The following CTNND2 variants were observed in gnomAD, a reference collection of about 807,000 sequenced individuals.
CTNND2 encodes catenin delta-2.
Under a neutral mutation model 144.4 loss-of-function variants are expected in CTNND2, and 22 were observed. The ratio of observed to expected loss-of-function variants is 0.15; its 90% CI spans 0.11 to 0.22. The LOEUF (loss-of-function observed/expected upper bound fraction) is 0.22, where lower values mean the gene tolerates loss of function less well. Ranked by LOEUF, CTNND2 falls within the 10% of genes least tolerant of loss-of-function variation. The pLI is 1.00. For missense variants in CTNND2, 1,353 were observed against 1,618.8 expected, an observed-to-expected ratio of 0.84 and a Z score of 2.82; for synonymous variants, 751 against 695.6, an observed-to-expected ratio of 1.08 and a Z score of -1.25.
At chr5:11,775,701 A>G (rs1189166805) in intron 1 of CTNND2, among the ~76,000 whole-genome samples, 1 of 152,210 alleles carries the variant, frequency 6.6e-6, no homozygotes, top group Non-Finnish European at 1.5e-5. Context: ...GGGCCCCGGA[A>G]GGGACTCTGA....
At chr5:11,171,957 A>G (rs532695178) in intron 11 of CTNND2, among the ~76,000 whole-genome samples, 1 of 152,260 alleles carries the variant, frequency 6.6e-6, no homozygotes, top group Non-Finnish European at 1.5e-5. Context: ...ATATTAATTG[A>G]GTAAAAAAGT....
At chr5:11,595,595 C>T (rs1005898356) in intron 2 of CTNND2, among the ~76,000 whole-genome samples, 2 of 152,096 alleles carry the variant, frequency 1.3e-5, no homozygotes, top group Non-Finnish European at 2.9e-5. Context: ...TAGCTCTCTA[C>T]CCTGGCATGA....
intron 11 of CTNND2, among the ~76,000 whole-genome samples, chr5:11,175,856 G>A (rs1430251488): frequency 6.6e-6 from 1 of 152,120 alleles, no homozygotes; most frequent in Non-Finnish European, 1.5e-5. Flanking sequence ...TCACCCAATA[G>A]TGTGTGTTGC....
At chr5:11,074,613 C>T (rs959333164) in intron 16 of CTNND2, among the ~76,000 whole-genome samples, 1 of 152,124 alleles carries the variant, frequency 6.6e-6, no homozygotes, top group Non-Finnish European at 1.5e-5. Flanking sequence ...CATTATAAAG[C>T]TTTATATGTA....
chr5:11,546,090 T>C (rs1176399025), intron 3 of CTNND2, among the ~76,000 whole-genome samples: 2 of 152,194 alleles, frequency 1.3e-5, no homozygotes, highest in South Asian at 2.1e-4. Flanking sequence ...TGATTCCATG[T>C]ATATGAAATG....
chr5:11,820,712 C>T (rs1366425664), intron 1 of CTNND2, among the ~76,000 whole-genome samples: 1 of 152,158 alleles, frequency 6.6e-6, no homozygotes, highest in Non-Finnish European at 1.5e-5. Context: ...TAGGAGGTCT[C>T]CTGTTAATGG....
chr5:11,065,434 T>A (rs1472791594), intron 16 of CTNND2, among the ~76,000 whole-genome samples: 1 of 152,254 alleles, frequency 6.6e-6, no homozygotes, highest in Admixed American at 6.5e-5. Context: ...GTCATTCAAA[T>A]TCTTTTAGCG....
chr5:11,768,448 C>T (rs1401497142), intron 1 of CTNND2, among the ~76,000 whole-genome samples: 1 of 152,170 alleles, frequency 6.6e-6, no homozygotes, highest in Non-Finnish European at 1.5e-5. Flanking sequence ...CACCACCTTA[C>T]CCAGCTAATT....
chr5:11,494,882 T>C (rs1196645876), intron 3 of CTNND2, among the ~76,000 whole-genome samples: 1 of 152,220 alleles, frequency 6.6e-6, no homozygotes, highest in Non-Finnish European at 1.5e-5. Context: ...AGATCACTTA[T>C]ACTTTCTGTT....
In CTNND2 at chr5:11,835,432, A is replaced by C. The variant is rs188399601; in HGVS notation, c.37+68385T>G. Among the ~76,000 whole-genome samples, 1,183 of 152,288 alleles carry C rather than the reference A, an allele frequency of 7.8e-3. 12 individuals are homozygous for C. Among genetic ancestry groups the C allele is most frequent in the African/African-American group, 0.027 (1,105 of 41,556 alleles). On this transcript the variant is annotated intron_variant, in intron 1 of 21. Transcript: ENST00000304623. ...GTAGAATTCACTTCACCGGGAAACC[A>C]TCTAGGCCTTTCTTTCTTTTTTTCT...
intron 3 of CTNND2, among the ~76,000 whole-genome samples, chr5:11,491,808 CCAGT>C (rs548902900): frequency 3.9e-5 from 6 of 152,100 alleles, no homozygotes; most frequent in Non-Finnish European, 8.8e-5. Context: ...AAGCCGATAC[CCAGT>C]CAATGTTTTA....
chr5:11,169,744 G>A (rs1311524688), intron 11 of CTNND2, among the ~76,000 whole-genome samples: 1 of 152,244 alleles, frequency 6.6e-6, no homozygotes, highest in South Asian at 2.1e-4. Flanking sequence ...CGCGCTAATT[G>A]AATTCGTGGA....
intron 2 of CTNND2, among the ~76,000 whole-genome samples, chr5:11,622,330 C>G (rs959130048): frequency 5.3e-5 from 8 of 152,026 alleles, no homozygotes; most frequent in Admixed American, 1.3e-4. Flanking sequence ...CAGCATAAAA[C>G]AAGATGACTG....
At chr5:11,024,883 A>G (rs1295635747) in intron 16 of CTNND2, among the ~76,000 whole-genome samples, 1 of 152,182 alleles carries the variant, frequency 6.6e-6, no homozygotes, top group African/African-American at 2.4e-5. Context: ...TTTATAGATA[A>G]TAAGTAGATG....
intron 1 of CTNND2, among the ~76,000 whole-genome samples, chr5:11,902,534 A>G (rs1450101711): frequency 6.6e-6 from 1 of 152,108 alleles, no homozygotes; most frequent in East Asian, 1.9e-4. Context: ...GCACAATGAG[A>G]TAACTCCTAG....
intron 10 of CTNND2, among the ~76,000 whole-genome samples, chr5:11,226,913 T>C (rs1307098887): frequency 6.6e-6 from 1 of 152,250 alleles, no homozygotes; most frequent in Non-Finnish European, 1.5e-5. Flanking sequence ...TATGAATTAG[T>C]TCCACTTTCA....
intron 16 of CTNND2, among the ~76,000 whole-genome samples, chr5:11,075,906 CCTCT>C (rs1182097268): frequency 3.9e-5 from 6 of 152,252 alleles, no homozygotes; most frequent in African/African-American, 1.4e-4. Flanking sequence ...TCTACCCCTT[CCTCT>C]CTCTATTTGG....
chr5:11,467,273 G>A lies in CTNND2; in HGVS notation c.288-55204C>T, dbSNP rs1350082139. ...ACCCCAGGCGTGATGGGCAAGCTCC[G>A]CTATGTGCTTGCTTCATCTCTCCTC... is the stretch of plus-strand genomic sequence containing the variant. On this transcript the variant is annotated intron_variant, in intron 3 of 21. Transcript: ENST00000304623. 3.3e-5 allele frequency among the ~76,000 whole-genome samples: 5 copies of A among 152,348 alleles called. No homozygotes were observed. The East Asian group carries it at 5.8e-4, about 18-fold the overall frequency.
intron 1 of CTNND2, among the ~76,000 whole-genome samples, chr5:11,882,278 T>C (rs972632148): frequency 2.6e-5 from 4 of 152,098 alleles, no homozygotes; most frequent in Admixed American, 6.6e-5. Context: ...TTTGAAATCC[T>C]ATCCAAAAAA....
Sources: gnomAD v4.1 joint callset for allele counts (sites outside exome capture counted in the v4.1 genomes callset) on GRCh38, gnomAD v4.1.1 for gene constraint, MANE v1.5 for transcripts, NCBI Gene and HGNC (gene_info 2026-07-23, HGNC 2026-07-21) for gene names.